The following ASCC1 variants were observed in gnomAD, a reference collection of about 807,000 sequenced individuals.
ASCC1 encodes ASC-1 complex subunit P50.
In ASCC1, 35 loss-of-function variants were observed where a neutral mutation model predicts 46.6. The ratio of observed to expected loss-of-function variants is 0.75; its 90% confidence interval spans 0.57 to 0.99. The LOEUF is 0.99. Among genes scored for constraint, ASCC1 ranks in the 50% least tolerant of loss-of-function variants. The pLI, the probability that ASCC1 is intolerant of heterozygous loss-of-function variation, is 0.00. For missense variants in ASCC1, 376 were observed against 428.7 expected, an observed-to-expected ratio of 0.88 and a Z score of 1.09; for synonymous variants, 143 against 146.6, an observed-to-expected ratio of 0.98 and a Z score of 0.18.
intron 5 of ASCC1, among the ~76,000 whole-genome samples, chr10:72,168,943 G>A (rs1189018947): frequency 6.6e-6 from 1 of 152,172 alleles, no homozygotes; most frequent in Non-Finnish European, 1.5e-5. Flanking sequence ...TATGACAGCA[G>A]CCTGAGCAGA....
At chr10:72,213,531 C>T (rs1303090089) in intron 1 of ASCC1, among the ~76,000 whole-genome samples, 200 bp from the exon 2 acceptor site, 1 of 149,926 alleles carries the variant, frequency 6.7e-6, no homozygotes, top group Admixed American at 6.7e-5. Context: ...CTGGCTCACT[C>T]TAGACAGCAA....
chr10:72,200,552 G>A (rs11000216), intron 4 of ASCC1, among the ~76,000 whole-genome samples: 20,712 of 151,600 alleles, frequency 0.14, 4,042 homozygotes, highest in African/African-American at 0.43. Flanking sequence ...GTAGGCTGAG[G>A]CAGGAGAATC....
chr10:72,185,026 G>A (rs764709171), intron 5 of ASCC1, among the ~76,000 whole-genome samples: 4 of 152,066 alleles, frequency 2.6e-5, no homozygotes, highest in South Asian at 2.1e-4. Flanking sequence ...AAGATGCTTC[G>A]CAGTATCAGC....
intron 5 of ASCC1, among the ~76,000 whole-genome samples, chr10:72,168,061 C>T (rs1053049469): frequency 3.3e-5 from 5 of 152,102 alleles, no homozygotes; most frequent in African/African-American, 9.7e-5. Flanking sequence ...CGTGGTGGCA[C>T]GCGCCTGTAG....
chr10:72,215,795 G>A (rs975804492), intron 1 of ASCC1: 1 of 152,422 alleles, frequency 6.6e-6, no homozygotes, highest in Non-Finnish European at 1.5e-5. Context: ...GCTTCGAGGT[G>A]GTTTGGAGAG....
intron 9 of ASCC1, among the ~76,000 whole-genome samples, chr10:72,121,326 G>A (rs1287561943): frequency 6.6e-6 from 1 of 151,480 alleles, no homozygotes; most frequent in East Asian, 1.9e-4. Flanking sequence ...TTAATTTTTT[G>A]TAGAGACAGG....
chr10:72,204,202 T>C (rs530389591), intron 3 of ASCC1, among the ~76,000 whole-genome samples: 12 of 152,264 alleles, frequency 7.9e-5, no homozygotes, highest in Admixed American at 7.8e-4. Flanking sequence ...TAAGCTGAGA[T>C]CGCACCACTA....
intron 7 of ASCC1, among the ~76,000 whole-genome samples, chr10:72,149,105 T>C (rs1397239997): frequency 1.3e-5 from 2 of 151,824 alleles, no homozygotes; most frequent in Non-Finnish European, 1.5e-5. Context: ...CTCACTAAAT[T>C]TGGGGGTTGG....
rs1413378646 is a variant in ASCC1, at chr10:72,096,406, A to G, written c.*928T>C. The G allele has an allele frequency of 2.2e-6, 1 of 454,176 alleles. No individual in the cohort carries two copies. Among genetic ancestry groups the G allele is most frequent in the Non-Finnish European group, 4.4e-6 (1 of 226,806 alleles). 28.1% of individuals were successfully genotyped at this position (454,176 alleles called of 1,614,324 possible). A position where few individuals can be genotyped will look rare whatever the true frequency, so the allele number is the denominator to read the frequency against. ...AAAGTAAACAAAAAAGGGCTGCAAC[A>G]CTGCAACTCCATCAGGGGCATGGGA... On this transcript the variant is annotated 3_prime_UTR_variant, in exon 10 of 10. Coordinates refer to ENST00000672957, the MANE Select transcript of ASCC1 (RefSeq NM_001198800.3).
intron 3 of ASCC1, among the ~76,000 whole-genome samples, chr10:72,206,971 C>T (rs1677886158): frequency 6.6e-6 from 1 of 152,178 alleles, no homozygotes. Flanking sequence ...CTCTGGGTCT[C>T]TTCCCCAGCC....
At chr10:72,187,130 C>T (rs758469403) in intron 5 of ASCC1, among the ~76,000 whole-genome samples, 3 of 152,132 alleles carry the variant, frequency 2.0e-5, no homozygotes, top group Non-Finnish European at 4.4e-5. Flanking sequence ...GAAACCTCAG[C>T]GTTCCTGATC....
chr10:72,140,405 T>G (rs1460264964), intron 7 of ASCC1, among the ~76,000 whole-genome samples: 3 of 152,110 alleles, frequency 2.0e-5, no homozygotes, highest in African/African-American at 7.2e-5. Flanking sequence ...AGATCTTGAA[T>G]GCTAGACTGA....
rs554295720 is a variant in ASCC1 at position 72,205,085 on chromosome 10, A to G, written c.213-1561T>C. On this transcript the variant is annotated intron_variant, in intron 3 of 9. Transcript: ENST00000672957. ...TGAAGTGAGAGGCTGACGCAGAAGG[A>G]TCCCTTAAGCCCAGGAGTTCAAGGC... is the stretch of plus-strand genomic sequence containing the variant. Among the ~76,000 whole-genome samples, 3 of 152,352 alleles carry G rather than the reference A, an allele frequency of 2.0e-5. No homozygotes were observed. In the South Asian group the frequency reaches 6.2e-4, roughly 32 times the overall value.
At chr10:72,100,148 T>C (rs1036851356) in intron 9 of ASCC1, among the ~76,000 whole-genome samples, 4 of 152,180 alleles carry the variant, frequency 2.6e-5, no homozygotes, top group African/African-American at 9.7e-5. Context: ...ACCTCTGTTC[T>C]TGTCCTCTAT....
At chr10:72,203,935 G>A (rs1026707714) in intron 3 of ASCC1, among the ~76,000 whole-genome samples, 3 of 151,978 alleles carry the variant, frequency 2.0e-5, no homozygotes, top group Non-Finnish European at 4.4e-5. Flanking sequence ...CTGGGCAACA[G>A]AGTAAGACCC....
At chr10:72,161,448 T>G in intron 6 of ASCC1, 90 bp downstream of exon 6, 1 of 1,548,364 alleles carries the variant, frequency 6.5e-7, no homozygotes, top group Non-Finnish European at 8.9e-7. Flanking sequence ...TCCCATGTTA[T>G]ACACCCTCTG....
At chr10:72,177,892 T>C (rs779335132) in intron 5 of ASCC1, among the ~76,000 whole-genome samples, 185 of 152,344 alleles carry the variant, frequency 1.2e-3, no homozygotes, top group Non-Finnish European at 2.2e-3. Context: ...AGCTAAATCC[T>C]ACATTAAATA....
chr10:72,150,729 C>A (rs551546676), intron 7 of ASCC1, among the ~76,000 whole-genome samples: 18 of 152,256 alleles, frequency 1.2e-4, no homozygotes, highest in Non-Finnish European at 2.1e-4. Context: ...CCAGAATCTA[C>A]AAAGAACTTA....
At chr10:72,172,835 TTTA>T (rs1284247700) in intron 5 of ASCC1, among the ~76,000 whole-genome samples, 8 of 133,418 alleles carry the variant, frequency 6.0e-5, no homozygotes, top group Non-Finnish European at 1.2e-4. Flanking sequence ...ATTTTATATT[TTTA>T]TATTATATAT....
Sources: allele counts gnomAD v4.1 joint callset (sites outside exome capture counted in the v4.1 genomes callset), GRCh38; gene constraint gnomAD v4.1.1; transcripts MANE v1.5; gene names NCBI Gene and HGNC (gene_info 2026-07-23, HGNC 2026-07-21).